The following NBEAL1 variants were observed in gnomAD, a reference collection of about 807,000 sequenced individuals.
NBEAL1 encodes neurobeachin-like protein 1.
A neutral mutation model predicts 351.3 loss-of-function variants in NBEAL1; 273 were observed. That is an observed-to-expected ratio of 0.78 (90% confidence interval 0.70 to 0.86). NBEAL1 has a LOEUF of 0.86. Ranked by LOEUF, NBEAL1 falls within the 40% of genes least tolerant of loss-of-function variation. The pLI is 0.00. For synonymous variants in NBEAL1, 1,050 were observed against 1,086.4 expected, an observed-to-expected ratio of 0.97 and a Z score of 0.66; for missense variants, 2,961 against 3,201.3, an observed-to-expected ratio of 0.92 and a Z score of 1.81.
intron 6 of NBEAL1, 116 bp downstream of exon 6, chr2:203,057,569 AT>A (rs2061424629): frequency 1.3e-6 from 1 of 775,764 alleles, no homozygotes; most frequent in Non-Finnish European, 2.0e-6. Context: ...AGACCCACAG[AT>A]TTAACTCTGA....
chr2:203,198,210 G>A (rs920090731), intron 48 of NBEAL1, among the ~76,000 whole-genome samples: 2 of 151,274 alleles, frequency 1.3e-5, no homozygotes, highest in Non-Finnish European at 2.9e-5. Context: ...ATCAGGTTTT[G>A]CCATGTTGCC....
intron 49 of NBEAL1, among the ~76,000 whole-genome samples, chr2:203,200,233 C>T (rs2065356438): frequency 6.6e-6 from 1 of 152,090 alleles, no homozygotes; most frequent in African/African-American, 2.4e-5. Flanking sequence ...CAAAAATTGG[C>T]CGGGTGTGGT....
At chr2:203,091,493 G>C (rs954909106) in intron 10 of NBEAL1, among the ~76,000 whole-genome samples, 3 of 152,058 alleles carry the variant, frequency 2.0e-5, no homozygotes, top group Non-Finnish European at 4.4e-5. Context: ...CCAGAAGTAG[G>C]ATTACTAGAT....
At chr2:203,184,100 G>C (rs71425985) in intron 44 of NBEAL1, among the ~76,000 whole-genome samples, 28,167 of 97,744 alleles carry the variant, frequency 0.29, 3,899 homozygotes, top group East Asian at 0.54. Context: ...AAAAAAAAAA[G>C]AAACAAACAA....
chr2:203,134,330 A>C (rs1411608776), intron 27 of NBEAL1, among the ~76,000 whole-genome samples: 1 of 152,204 alleles, frequency 6.6e-6, no homozygotes, highest in African/African-American at 2.4e-5. Flanking sequence ...CTTTAAAGTC[A>C]GCATGAAAAG....
chr2:203,121,294 T>C (rs992553842), intron 18 of NBEAL1, among the ~76,000 whole-genome samples: 5 of 152,152 alleles, frequency 3.3e-5, no homozygotes, highest in Non-Finnish European at 5.9e-5. Context: ...AAATAAAACA[T>C]TGAATTTTTT....
At chr2:203,015,057 T>C in intron 1 of NBEAL1, 75 bp downstream of exon 1, 1 of 152,766 alleles carries the variant, frequency 6.5e-6, no homozygotes, top group East Asian at 1.9e-4. Context: ...CCCCGGTGCT[T>C]GGTGGTGGAG....
Position 203,180,398 on chromosome 2 carries a change from C to T in NBEAL1, c.6481C>T (p.Arg2161Ter), listed in dbSNP as rs892156050. The change falls in exon 43 of 56, where the codon CGA becomes TGA. Residue 2161 changes from arginine (R) to a stop codon, truncating the protein, a stop_gained. Transcript: ENST00000683969. LOFTEE classifies it high-confidence loss of function. ...LQSGRFDCAD[R>*]QFHSIPATWQ... ...TACATGCAGGTTTGACTGTGCAGAT[C>T]GACAGTTCCATTCTATTCCTGCTAC... The T allele has an allele frequency of 3.1e-6, 5 of 1,610,446 alleles. No individual in the cohort carries two copies. Among genetic ancestry groups the T allele is most frequent in the Non-Finnish European group, 4.2e-6 (5 of 1,178,722 alleles).
intron 31 of NBEAL1, 85 bp downstream of exon 31, chr2:203,138,833 T>C: frequency 7.4e-7 from 1 of 1,357,508 alleles, no homozygotes; most frequent in African/African-American, 1.5e-5. Flanking sequence ...AATGTCTTTT[T>C]GGTATTTTAA....
At chr2:203,193,300 A>G (rs946677370) in intron 46 of NBEAL1, among the ~76,000 whole-genome samples, 2 of 152,020 alleles carry the variant, frequency 1.3e-5, no homozygotes, top group Non-Finnish European at 2.9e-5. Context: ...TTGTCAAGGA[A>G]TTAAAGATTC....
intron 51 of NBEAL1, among the ~76,000 whole-genome samples, chr2:203,203,288 C>T (rs1439641368): frequency 2.0e-5 from 3 of 148,894 alleles, no homozygotes; most frequent in South Asian, 2.2e-4. Context: ...ATTACAGGCA[C>T]GTGCCACCAT....
intron 1 of NBEAL1, chr2:203,015,669 G>A (rs2060667582): frequency 1.3e-5 from 2 of 152,432 alleles, no homozygotes; most frequent in African/African-American, 2.4e-5. Flanking sequence ...TCACTGTGTT[G>A]GCCAGGCTGG....
chr2:203,175,334 T>G, intron 42 of NBEAL1, 47 bp downstream of exon 42: 6 of 1,593,986 alleles, frequency 3.8e-6, no homozygotes, highest in Non-Finnish European at 5.2e-6. Flanking sequence ...ATGTTAGTGT[T>G]GAAAACTGTT....
chr2:203,185,878 G>T (rs2064883535), intron 44 of NBEAL1, among the ~76,000 whole-genome samples: 2 of 152,224 alleles, frequency 1.3e-5, no homozygotes, highest in Admixed American at 1.3e-4. Context: ...GATTGAAGAG[G>T]AGGGAAACTG....
chr2:203,165,391 T>G (rs2064102496), intron 36 of NBEAL1, among the ~76,000 whole-genome samples: 1 of 152,214 alleles, frequency 6.6e-6, no homozygotes, highest in African/African-American at 2.4e-5. Context: ...AAGTCTCATT[T>G]TATAGTTTAA....
At chr2:203,064,708 G>A (rs2061553409) in intron 6 of NBEAL1, among the ~76,000 whole-genome samples, 1 of 152,170 alleles carries the variant, frequency 6.6e-6, no homozygotes. Context: ...CAGATTAAAA[G>A]AGGCGAAAGA....
At chr2:203,169,667 C>T (rs975140511) in intron 38 of NBEAL1, 80 bp from the exon 39 acceptor site, 5 of 676,562 alleles carry the variant, frequency 7.4e-6, no homozygotes, top group Non-Finnish European at 1.0e-5. Context: ...AATTGTCTCT[C>T]AATACAGCTA....
chr2:203,111,631 C>T (rs1380160957), intron 15 of NBEAL1, among the ~76,000 whole-genome samples: 1 of 152,130 alleles, frequency 6.6e-6, no homozygotes, highest in Non-Finnish European at 1.5e-5. Flanking sequence ...GCTGGGATTA[C>T]AGGTGTGAGC....
At chr2:203,021,743 A>G (rs924576869) in intron 2 of NBEAL1, among the ~76,000 whole-genome samples, 2 of 151,864 alleles carry the variant, frequency 1.3e-5, no homozygotes, top group Admixed American at 6.6e-5. Flanking sequence ...TGAGACTCAT[A>G]TGTGTGTAGA....
Sources: gnomAD v4.1 joint callset for allele counts (sites outside exome capture counted in the v4.1 genomes callset) on GRCh38, gnomAD v4.1.1 for gene constraint, MANE v1.5 for transcripts, NCBI Gene and HGNC (gene_info 2026-07-23, HGNC 2026-07-21) for gene names.